Variants in MAF observed in about 807,000 individuals in gnomAD.
The protein encoded by MAF is transcription factor Maf.
MAF carries 10 observed loss-of-function variants against 22.0 expected under a neutral mutation model. The observed-to-expected ratio is 0.45, with a 90% CI of 0.28 to 0.77. The LOEUF is 0.77. Among genes scored for constraint, MAF ranks in the 30% least tolerant of loss-of-function variants. The probability of loss-of-function intolerance (pLI) is 0.12; values close to 1 mark genes in which losing one functional copy is unlikely to be tolerated. For missense variants in MAF, 544 were observed against 548.4 expected (o/e 0.99, Z 0.08); for synonymous variants, 337 against 255.8 (o/e 1.32, Z -3.03).
At chr16:79,212,751 A>G in the MAF span, 1 of 152,226 alleles carries the variant, frequency 6.6e-6, no homozygotes, top group Admixed American at 6.5e-5. Flanking sequence ...ATCTAGAGGA[A>G]AAATAAAGCG....
At chr16:79,299,646 C>T in the MAF span, among the ~76,000 whole-genome samples, 3 of 152,274 alleles carry the variant, frequency 2.0e-5, no homozygotes, top group Admixed American at 2.0e-4. Flanking sequence ...TGGAGGGCCC[C>T]TGAGACCAGC....
the MAF span, among the ~76,000 whole-genome samples, chr16:79,570,096 A>T: frequency 1.3e-5 from 2 of 148,632 alleles, no homozygotes; most frequent in Non-Finnish European, 3.0e-5. Flanking sequence ...TTTAGACTCT[A>T]CACCAGCTCA....
Position 79,600,734 on chromosome 16 carries a change from C to T in MAF, c.-832G>A, listed in dbSNP as rs1914001636. The T allele has an allele frequency of 5.2e-6, 1 of 193,308 alleles. No individual in the cohort carries two copies. Among genetic ancestry groups the T allele is most frequent in the African/African-American group, 2.4e-5 (1 of 42,244 alleles). The allele number at this position is 193,308 out of a possible 1,614,324, so 12.0% of individuals were successfully genotyped here. On this transcript the variant is annotated 5_prime_UTR_variant, in exon 1 of 2. Coordinates refer to ENST00000326043, the MANE Select transcript of MAF (RefSeq NM_005360.5). Reference sequence around the variant, plus strand: ...AAAGATTTTAAAGCCTCTGATCCAGCAAGAAGAGTTTAAAGCAATTGCTGA... The same window carrying T: ...AAAGATTTTAAAGCCTCTGATCCAGTAAGAAGAGTTTAAAGCAATTGCTGA...
the MAF span, among the ~76,000 whole-genome samples, chr16:79,563,774 C>CACACAT: frequency 6.6e-6 from 1 of 151,566 alleles, no homozygotes; most frequent in African/African-American, 2.4e-5. Context: ...AACACACACA[C>CACACAT]GTGTGACCAC....
chr16:79,334,968 C>T, the MAF span, among the ~76,000 whole-genome samples: 1 of 151,672 alleles, frequency 6.6e-6, no homozygotes, highest in South Asian at 2.1e-4. Flanking sequence ...GGGCAGATCA[C>T]CAGGTCAGGA....
chr16:79,581,697 C>T (rs1462080050), downstream of MAF, among the ~76,000 whole-genome samples: 1 of 152,212 alleles, frequency 6.6e-6, no homozygotes, highest in Non-Finnish European at 1.5e-5. Flanking sequence ...TTAGATGATG[C>T]TTGCCGAGGG....
chr16:79,411,127 TC>T, the MAF span, among the ~76,000 whole-genome samples: 2 of 152,124 alleles, frequency 1.3e-5, no homozygotes, highest in Non-Finnish European at 2.9e-5. Flanking sequence ...TAGTTTCCAC[TC>T]CCCAGTCACT....
the MAF span, among the ~76,000 whole-genome samples, chr16:79,225,250 A>C: frequency 0.013 from 1,952 of 152,318 alleles, 14 homozygotes; most frequent in Non-Finnish European, 0.019. Context: ...TGAGAAAAAC[A>C]AGCAATGGGG....
At chr16:79,339,406 C>T in the MAF span, among the ~76,000 whole-genome samples, 1 of 152,172 alleles carries the variant, frequency 6.6e-6, no homozygotes, top group Admixed American at 6.5e-5. Context: ...ATGCTCTTCT[C>T]CTTCTGCTGG....
At chr16:79,291,675 A>G in the MAF span, among the ~76,000 whole-genome samples, 12 of 151,282 alleles carry the variant, frequency 7.9e-5, no homozygotes, top group African/African-American at 2.7e-4. Context: ...GCTACCCATG[A>G]GTTATTGGGT....
At chr16:79,212,184 G>T in the MAF span, 1 of 1,471,404 alleles carries the variant, frequency 6.8e-7, no homozygotes, top group Non-Finnish European at 8.9e-7. Context: ...TGCAGCCGGG[G>T]GCTGGCCTTC....
downstream of MAF, among the ~76,000 whole-genome samples, chr16:79,589,626 TG>T (rs1477644369): frequency 6.6e-6 from 1 of 152,104 alleles, no homozygotes; most frequent in Non-Finnish European, 1.5e-5. Flanking sequence ...GGTCTCAAGG[TG>T]AAGGGCGGAG....
chr16:79,440,963 T>G, the MAF span, among the ~76,000 whole-genome samples: 1 of 152,202 alleles, frequency 6.6e-6, no homozygotes, highest in Non-Finnish European at 1.5e-5. Flanking sequence ...TGCTGACATA[T>G]TGCTATTATG....
the MAF span, chr16:79,203,384 G>C: frequency 6.6e-6 from 1 of 152,172 alleles, no homozygotes; most frequent in Non-Finnish European, 1.5e-5. Context: ...GACATTGGGG[G>C]CCTACCTGTG....
At chr16:79,256,886 C>A in the MAF span, among the ~76,000 whole-genome samples, 2 of 152,016 alleles carry the variant, frequency 1.3e-5, no homozygotes, top group Non-Finnish European at 2.9e-5. Context: ...AAACCATAAA[C>A]AGAAGGGAGG....
the MAF span, among the ~76,000 whole-genome samples, chr16:79,231,068 G>C: frequency 5.3e-5 from 8 of 152,124 alleles, no homozygotes; most frequent in Non-Finnish European, 1.0e-4. Context: ...TTTCTGTATA[G>C]TCTTATTAGT....
chr16:79,584,459 A>G (rs990672749), downstream of MAF, among the ~76,000 whole-genome samples: 19 of 152,182 alleles, frequency 1.2e-4, no homozygotes, highest in Non-Finnish European at 2.6e-4. Flanking sequence ...TCACCTGTCA[A>G]TCATGTTCAC....
the MAF span, among the ~76,000 whole-genome samples, chr16:79,392,316 A>G: frequency 7.3e-6 from 1 of 137,380 alleles, no homozygotes; most frequent in African/African-American, 2.7e-5. Context: ...AAGGAGAGAG[A>G]GGGAGGAGGA....
the MAF span, among the ~76,000 whole-genome samples, chr16:79,480,070 A>G: frequency 1.3e-5 from 2 of 152,184 alleles, no homozygotes; most frequent in African/African-American, 4.8e-5. Context: ...TCCAGGGTGT[A>G]AGATTAATAG....
Sources: gnomAD v4.1 joint callset for allele counts (sites outside exome capture counted in the v4.1 genomes callset) on GRCh38, gnomAD v4.1.1 for gene constraint, MANE v1.5 for transcripts, NCBI Gene and HGNC (gene_info 2026-07-23, HGNC 2026-07-21) for gene names.